The following CDH4 variants were observed in gnomAD, a reference collection of about 807,000 sequenced individuals.
The protein encoded by CDH4 is cadherin-4.
In CDH4, 33 loss-of-function variants were observed where a neutral mutation model predicts 86.0. The ratio of observed to expected loss-of-function variants is 0.38; its 90% CI spans 0.29 to 0.51. CDH4 has a LOEUF of 0.51. Among genes scored for constraint, CDH4 ranks in the 20% least tolerant of loss-of-function variants. The pLI is 0.86. For missense variants in CDH4, 1,114 were observed against 1,307.4 expected (o/e 0.85, Z 2.28); for synonymous variants, 555 against 549.4 (o/e 1.01, Z -0.14).
At chr20:61,783,874 A>G (rs74568510) in intron 4 of CDH4, among the ~76,000 whole-genome samples, 236 of 8,648 alleles carry the variant, frequency 0.027, 9 homozygotes, top group Admixed American at 0.041. Context: ...TGTGCCCCCA[A>G]GAGAAATGTA....
intron 2 of CDH4, among the ~76,000 whole-genome samples, chr20:61,481,037 G>A (rs920550758): frequency 6.6e-5 from 10 of 152,188 alleles, no homozygotes; most frequent in African/African-American, 2.4e-4. Context: ...GGACTGAAGT[G>A]TACCCGGTTA....
At chr20:61,476,771 T>G (rs1195922954) in intron 2 of CDH4, among the ~76,000 whole-genome samples, 1 of 152,192 alleles carries the variant, frequency 6.6e-6, no homozygotes, top group Non-Finnish European at 1.5e-5. Context: ...TGAATATGGT[T>G]GAAAGGACAT....
chr20:61,785,571 G>A (rs947444480), intron 4 of CDH4, among the ~76,000 whole-genome samples: 8 of 152,062 alleles, frequency 5.3e-5, no homozygotes, highest in African/African-American at 1.9e-4. Context: ...CAGCTGGATA[G>A]GGCCCTCACC....
In CDH4 at chr20:61,260,865, C is replaced by T. The variant is rs181185440; in HGVS notation, c.169+5928C>T. On this transcript the variant is annotated intron_variant, in intron 2 of 15. Transcript: ENST00000614565. ...GAGGTTCAGAAAGGGAAGTATATAT[C>T]CTGTCTTTAGAAAGTGGTTGCTATC... 7.2e-5 allele frequency among the ~76,000 whole-genome samples: 11 copies of T among 152,280 alleles called. No individual in the cohort carries two copies. The East Asian group carries it at 2.1e-3, about 29-fold the overall frequency.
intron 6 of CDH4, among the ~76,000 whole-genome samples, chr20:61,856,444 G>T (rs1232687332): frequency 7.9e-5 from 11 of 138,442 alleles, no homozygotes; most frequent in African/African-American, 2.8e-4. Flanking sequence ...ACCACCCTGG[G>T]ATCCACGAGA....
chr20:61,933,175 G>A, intron 14 of CDH4, 51 bp downstream of exon 14: 1 of 1,589,188 alleles, frequency 6.3e-7, no homozygotes, highest in Non-Finnish European at 8.6e-7. Context: ...GCTCTCACGT[G>A]TACTAGTGTC....
Position 61,417,914 on chromosome 20 carries a change from G to A in CDH4, c.169+162977G>A, listed in dbSNP as rs535799650. Among the ~76,000 whole-genome samples, 8 of 152,220 alleles carry A rather than the reference G, an allele frequency of 5.3e-5. No individual in the cohort carries two copies. The South Asian group carries it at 1.7e-3, about 32-fold the overall frequency. On this transcript the variant is annotated intron_variant, in intron 2 of 15. Transcript: ENST00000614565. This position sits in a 1 kb window ranked among gnomAD's most constrained non-coding sequence, Gnocchi z 4.0. ...CTCAGAGGCCCACTTGGAAGAGATGGAGCCTCCCATCCCTTGAGTTTTCTG... is the reference window on the plus strand; with the variant it reads ...CTCAGAGGCCCACTTGGAAGAGATGAAGCCTCCCATCCCTTGAGTTTTCTG...
At chr20:61,438,478 T>A in intron 2 of CDH4, among the ~76,000 whole-genome samples, 1 of 152,344 alleles carries the variant, frequency 6.6e-6, no homozygotes, top group East Asian at 1.9e-4. Flanking sequence ...AGAAATATTT[T>A]ATGTGTGAAA....
At chr20:61,428,266 G>T (rs1341332841) in intron 2 of CDH4, among the ~76,000 whole-genome samples, 1 of 152,168 alleles carries the variant, frequency 6.6e-6, no homozygotes, top group African/African-American at 2.4e-5. Context: ...AGGTGGTGTG[G>T]GAACTAGTCT....
intron 2 of CDH4, among the ~76,000 whole-genome samples, chr20:61,344,024 G>A (rs1382696248): frequency 1.3e-5 from 2 of 152,200 alleles, no homozygotes; most frequent in African/African-American, 4.8e-5. Flanking sequence ...GCTCCAGGAA[G>A]AGGAACAAGT....
chr20:61,806,231 G>A (rs1017345438), intron 4 of CDH4, among the ~76,000 whole-genome samples: 8 of 152,196 alleles, frequency 5.3e-5, no homozygotes, highest in Non-Finnish European at 1.2e-4. Flanking sequence ...GCCAGGCGTC[G>A]TGGCCTGCCT....
At chr20:61,565,113 C>CTGGTGCTCTTGG (rs1555809028) in intron 2 of CDH4, among the ~76,000 whole-genome samples, 5 of 57,750 alleles carry the variant, frequency 8.7e-5, no homozygotes, top group Non-Finnish European at 1.4e-4. Flanking sequence ...CTTGGTGGTG[C>CTGGTGCTCTTGG]TGGTGCTCTT....
chr20:61,671,736 G>A (rs1345281390), intron 2 of CDH4, among the ~76,000 whole-genome samples: 2 of 150,734 alleles, frequency 1.3e-5, no homozygotes, highest in East Asian at 2.0e-4. Context: ...ATGGGTGGAT[G>A]GATGATGAAT....
At position 61,928,459 on chromosome 20, in the gene CDH4, A is replaced by C. The variant is rs777106082; in HGVS notation, c.2005+36A>C. On this transcript the variant is annotated intron_variant, in intron 12 of 15. Transcript: ENST00000614565. ...CTTAGGCCACGGGGAGGGTCAGACT[A>C]GCCTGGGGTGCAGGCCCCTGGGAGA... 6 of 1,584,704 alleles carry C rather than the reference A, an allele frequency of 3.8e-6. No homozygotes were observed. The African/African-American group carries it at 8.1e-5, about 21-fold the overall frequency.
At chr20:61,447,563 G>T (rs1008235387) in intron 2 of CDH4, among the ~76,000 whole-genome samples, 5 of 150,864 alleles carry the variant, frequency 3.3e-5, no homozygotes, top group Non-Finnish European at 5.9e-5. Context: ...AATCATTCGG[G>T]GTCTCCTACT....
intron 2 of CDH4, among the ~76,000 whole-genome samples, chr20:61,488,592 C>T (rs1186092134): frequency 1.3e-5 from 2 of 151,964 alleles, no homozygotes; most frequent in Non-Finnish European, 2.9e-5. Context: ...TAAAAAATGT[C>T]GTGGGGCCTG....
intron 2 of CDH4, among the ~76,000 whole-genome samples, chr20:61,519,388 G>GGCAGCTGCA (rs1294795533): frequency 1.2e-4 from 19 of 152,234 alleles, no homozygotes; most frequent in Non-Finnish European, 2.8e-4. Flanking sequence ...CCAGTCTAGA[G>GGCAGCTGCA]GCAGCTGCAG....
intron 2 of CDH4, among the ~76,000 whole-genome samples, chr20:61,596,874 C>T (rs2145738903): frequency 6.6e-6 from 1 of 152,262 alleles, no homozygotes; most frequent in Non-Finnish European, 1.5e-5. Flanking sequence ...CTGTGACCCG[C>T]CCACCTTTAC....
intron 4 of CDH4, among the ~76,000 whole-genome samples, chr20:61,801,087 C>T (rs1418920929): frequency 6.6e-6 from 1 of 152,164 alleles, no homozygotes; most frequent in Admixed American, 6.5e-5. Context: ...TTGAGAAACC[C>T]ACCTTCTGCA....
Sources: gnomAD v4.1 joint callset for allele counts (sites outside exome capture counted in the v4.1 genomes callset) on GRCh38, gnomAD v4.1.1 for gene constraint, Gnocchi (gnomAD v3.1) non-coding constraint, MANE v1.5 for transcripts, NCBI Gene and HGNC (gene_info 2026-07-23, HGNC 2026-07-21) for gene names.